Variants in EFL1 observed in about 807,000 individuals in gnomAD.
EFL1 encodes elongation factor like GTPase 1, also known as elongation factor-like GTPase 1.
EFL1 carries 76 observed loss-of-function variants against 126.7 expected under a neutral mutation model. That is an observed-to-expected ratio of 0.60 (90% CI 0.50 to 0.73). The LOEUF (loss-of-function observed/expected upper bound fraction) is 0.73, where lower values mean the gene tolerates loss of function less well. Among genes scored for constraint, EFL1 ranks in the 30% least tolerant of loss-of-function variants. The pLI is 0.00. For synonymous variants in EFL1, 410 were observed against 448.4 expected (o/e 0.91, Z 1.08); for missense variants, 1,128 against 1,343.2 (o/e 0.84, Z 2.50).
chr15:82,214,706 C>T lies in EFL1; in HGVS notation c.1750+11G>A, dbSNP rs201018036. ...AATGGAGTAAGGATAAAATAAACAG[C>T]ATCACCCTACCTAGCACATTTCCTG... On this transcript the variant is annotated intron_variant, in intron 15 of 19. Transcript: ENST00000268206. The T allele has an allele frequency of 4.4e-4, 662 of 1,508,446 alleles. 1 individual carries two copies. Among genetic ancestry groups the T allele is most frequent in the South Asian group, 7.3e-4 (59 of 81,324 alleles). 93.4% of individuals were successfully genotyped at this position (1,508,446 alleles called of 1,614,324 possible). A position where few individuals can be genotyped will look rare whatever the true frequency, so the allele number is the denominator to read the frequency against.
chr15:82,168,822 C>A (rs2074104547), intron 15 of EFL1, among the ~76,000 whole-genome samples: 1 of 152,198 alleles, frequency 6.6e-6, no homozygotes, highest in African/African-American at 2.4e-5. Context: ...CATATTACTT[C>A]AAGATCTGTG....
chr15:82,140,105 A>G (rs2073769402), intron 18 of EFL1, among the ~76,000 whole-genome samples: 1 of 152,202 alleles, frequency 6.6e-6, no homozygotes, highest in East Asian at 1.9e-4. Flanking sequence ...GTTTAGCTTA[A>G]AAACAAATTA....
intron 15 of EFL1, among the ~76,000 whole-genome samples, chr15:82,207,750 C>T (rs1300978754): frequency 2.9e-5 from 4 of 135,852 alleles, no homozygotes; most frequent in African/African-American, 8.7e-5. Context: ...GAAGGAGTTT[C>T]GCTCTTGTCA....
At chr15:82,251,335 C>T (rs2075019493) in intron 4 of EFL1, among the ~76,000 whole-genome samples, 1 of 152,166 alleles carries the variant, frequency 6.6e-6, no homozygotes, top group Non-Finnish European at 1.5e-5. Context: ...GCAAATTCTC[C>T]TACAATACTA....
chr15:82,141,189 C>T (rs566814549), intron 18 of EFL1, among the ~76,000 whole-genome samples: 1 of 152,022 alleles, frequency 6.6e-6, no homozygotes, highest in Admixed American at 6.6e-5. Flanking sequence ...ATTTGGTACC[C>T]GGAAATGAAA....
At chr15:82,163,093 A>T (rs1415932836) in intron 16 of EFL1, among the ~76,000 whole-genome samples, 4 of 152,230 alleles carry the variant, frequency 2.6e-5, no homozygotes, top group Non-Finnish European at 5.9e-5. Context: ...TGTGAATGTC[A>T]GGTGGCCAGC....
chr15:82,210,452 G>C (rs55756522), intron 15 of EFL1, among the ~76,000 whole-genome samples: 1 of 152,282 alleles, frequency 6.6e-6, no homozygotes, highest in Non-Finnish European at 1.5e-5. Flanking sequence ...CATATGGAAA[G>C]GCCTTAGTTC....
intron 15 of EFL1, among the ~76,000 whole-genome samples, chr15:82,164,589 A>C (rs1884236896): frequency 6.6e-6 from 1 of 152,150 alleles, no homozygotes; most frequent in African/African-American, 2.4e-5. Context: ...TGGAAGCAAA[A>C]AGAATGTCTT....
chr15:82,165,727 A>G (rs922077737), intron 15 of EFL1, among the ~76,000 whole-genome samples: 1 of 152,170 alleles, frequency 6.6e-6, no homozygotes, highest in Non-Finnish European at 1.5e-5. Flanking sequence ...ACTTTCACCA[A>G]CTACCTTTTG....
intron 18 of EFL1, among the ~76,000 whole-genome samples, chr15:82,143,878 T>A (rs965072267): frequency 2.0e-5 from 3 of 152,150 alleles, no homozygotes; most frequent in Non-Finnish European, 4.4e-5. Context: ...GTTTTTTTTA[T>A]TTTTTAGATA....
At chr15:82,185,250 A>G (rs149614158) in intron 15 of EFL1, among the ~76,000 whole-genome samples, 50 of 151,674 alleles carry the variant, frequency 3.3e-4, no homozygotes, top group African/African-American at 1.1e-3. Context: ...ACACTGGGTC[A>G]CCTACTTTCA....
rs115767846 is a variant in EFL1 at position 82,211,253 on chromosome 15, G to A, written c.1750+3464C>T. Among the ~76,000 whole-genome samples the A allele has an allele frequency of 8.0e-3, 1,219 of 151,528 alleles. 15 individuals are homozygous for A. The highest frequency in any genetic ancestry group is 0.028 in the African/African-American group (1,145 of 41,266). The stretch of plus-strand genomic sequence containing the variant: ...TAATATACCAGACTCTCGGCTGGGC[G>A]CGGTAGCTCATGTCTGTAATCCCAG... On this transcript the variant is annotated intron_variant, in intron 15 of 19. Coordinates refer to ENST00000268206, the MANE Select transcript of EFL1 (RefSeq NM_024580.6).
At chr15:82,241,489 A>C (rs2074931011) in intron 4 of EFL1, 86 bp from the exon 5 acceptor site, 1 of 1,465,980 alleles carries the variant, frequency 6.8e-7, no homozygotes, top group Non-Finnish European at 9.1e-7. Context: ...GAAAGCTGAA[A>C]GCTTCTAAGA....
intron 15 of EFL1, among the ~76,000 whole-genome samples, chr15:82,192,132 G>A (rs1343039782): frequency 6.6e-6 from 1 of 152,130 alleles, no homozygotes; most frequent in Non-Finnish European, 1.5e-5. Flanking sequence ...CAGGCACGGT[G>A]GCTCATGCCT....
Position 82,227,442 on chromosome 15 carries a change from T to C in EFL1, c.1192+8A>G, listed in dbSNP as rs775947916. The C allele has an allele frequency of 1.1e-5, 18 of 1,614,110 alleles. No individual in the cohort carries two copies. In the Admixed American group the frequency reaches 2.2e-4, roughly 19 times the overall value. On this transcript the variant is annotated splice_region_variant and intron_variant, in intron 11 of 19. Coordinates refer to ENST00000268206, the MANE Select transcript of EFL1 (RefSeq NM_024580.6). ...ATGGTATATTCCAACAGGTCCATCTTTCCTCACCTGCTTTCAGTGCTTGAG... is the reference window on the plus strand; with the variant it reads ...ATGGTATATTCCAACAGGTCCATCTCTCCTCACCTGCTTTCAGTGCTTGAG...
intron 18 of EFL1, among the ~76,000 whole-genome samples, chr15:82,147,930 T>C (rs1352707490): frequency 1.3e-5 from 2 of 152,178 alleles, no homozygotes; most frequent in Non-Finnish European, 2.9e-5. Context: ...TGAGTGTATG[T>C]ACCAAAGTAA....
intron 8 of EFL1, 129 bp from the exon 9 acceptor site, chr15:82,229,239 G>A (rs62012044): frequency 0.23 from 169,803 of 725,372 alleles, 22,326 homozygotes; most frequent in Non-Finnish European, 0.27. Flanking sequence ...AAATAAAGTA[G>A]ATGAAAGTAG....
chr15:82,240,621 C>T (rs1900351300), intron 5 of EFL1, 66 bp from the exon 6 acceptor site: 4 of 1,582,934 alleles, frequency 2.5e-6, no homozygotes, highest in Admixed American at 1.7e-5. Flanking sequence ...ATTAGAAAAT[C>T]GTGATTAATA....
chr15:82,213,533 T>A (rs1432833763), intron 15 of EFL1, among the ~76,000 whole-genome samples: 8 of 152,166 alleles, frequency 5.3e-5, no homozygotes, highest in Non-Finnish European at 1.2e-4. Context: ...CATCCTCTAC[T>A]AGGGAAAGAA....
Sources: allele counts gnomAD v4.1 joint callset (sites outside exome capture counted in the v4.1 genomes callset), GRCh38; gene constraint gnomAD v4.1.1; transcripts MANE v1.5; gene names NCBI Gene and HGNC (gene_info 2026-07-23, HGNC 2026-07-21).